The following SPTBN2 variants were observed in gnomAD, a reference collection of about 807,000 sequenced individuals.
The protein encoded by SPTBN2 is spectrin beta chain, non-erythrocytic 2.
SPTBN2 carries 107 observed loss-of-function variants against 284.2 expected under a neutral mutation model. The observed-to-expected ratio is 0.38, with a 90% CI of 0.32 to 0.44. The LOEUF (loss-of-function observed/expected upper bound fraction) is 0.44, where lower values mean the gene tolerates loss of function less well. Ranked by LOEUF, SPTBN2 falls within the 20% of genes least tolerant of loss-of-function variation. The pLI is 1.00. For missense variants in SPTBN2, 2,569 were observed against 3,287.1 expected, an observed-to-expected ratio of 0.78 and a Z score of 5.34; for synonymous variants, 1,289 against 1,354.8, an observed-to-expected ratio of 0.95 and a Z score of 1.07.
At chr11:66,723,325 C>T (rs1041866205) in intron 1 of SPTBN2, among the ~76,000 whole-genome samples, 1 of 152,072 alleles carries the variant, frequency 6.6e-6, no homozygotes, top group Admixed American at 6.6e-5. Flanking sequence ...TGCATTTCTC[C>T]TAGCCCTACT....
chr11:66,738,954 G>A (rs1942876125), intron 1 of SPTBN2, among the ~76,000 whole-genome samples: 1 of 152,062 alleles, frequency 6.6e-6, no homozygotes, highest in Admixed American at 6.6e-5. Flanking sequence ...TGGGACTATA[G>A]GTGCTCACCA....
rs1478820018 is a variant in SPTBN2, at chr11:66,698,630, A to T, written c.4014+9T>A. 1 of 1,614,088 alleles carries T rather than the reference A, an allele frequency of 6.2e-7. No homozygotes were observed. The highest frequency in any genetic ancestry group is 8.5e-7 in the Non-Finnish European group (1 of 1,180,010). ...TCTGCCCAGAGGCAGCCCCCACAGC[A>T]CTGCTCACCTTGTCCACCTTGTCCA... On this transcript the variant is annotated intron_variant, in intron 20 of 37. Coordinates refer to ENST00000533211, the MANE Select transcript of SPTBN2 (RefSeq NM_006946.4).
In SPTBN2 at chr11:66,707,868, C is replaced by T. The variant is rs748176091; in HGVS notation, c.1351-50G>A. On this transcript the variant is annotated intron_variant, in intron 12 of 37. Transcript: ENST00000533211. The surrounding 1 kb of genome is among the most constrained non-coding windows in gnomAD (Gnocchi z 4.9). ...GTGTGGGGACCAAGGGACAGTGCCT[C>T]TGCCTGCTCCTCTGTCCTGCAGGGC... The T allele has an allele frequency of 3.1e-6, 5 of 1,593,252 alleles. No homozygotes were observed. The highest frequency in any genetic ancestry group is 4.3e-6 in the Non-Finnish European group (5 of 1,174,560).
rs1941686659 is a variant in SPTBN2 at position 66,708,472 on chromosome 11, C to A, written c.1192-173G>T. ...GGGCAGCGCTGGGAGTCTGTGAAGC[C>A]ATGTAGAAGCTTCTGGAAAAGGACT... On this transcript the variant is annotated intron_variant, in intron 11 of 37. Transcript: ENST00000533211. The surrounding 1 kb of genome is among the most constrained non-coding windows in gnomAD (Gnocchi z 4.4). Among the ~76,000 whole-genome samples, 1 of 152,216 alleles carries A rather than the reference C, an allele frequency of 6.6e-6. No individual in the cohort carries two copies. The highest frequency in any genetic ancestry group is 1.5e-5 in the Non-Finnish European group (1 of 68,042).
At position 66,693,040 on chromosome 11, in the gene SPTBN2, C is replaced by T. The variant is rs138405793; in HGVS notation, c.4915G>A (p.Asp1639Asn). 1.2e-5 allele frequency: 19 copies of T among 1,613,446 alleles called. No homozygotes were observed. The highest frequency in any genetic ancestry group is 4.0e-5 in the African/African-American group (3 of 74,940). The change falls in exon 25 of 38, where the codon GAC (aspartate) becomes AAC (asparagine). Residue 1639 changes from aspartate (D) to asparagine (N), a missense_variant. Physicochemically the swap from Asp to Asn is conservative, Grantham distance 23. Coordinates refer to ENST00000533211, the MANE Select transcript of SPTBN2 (RefSeq NM_006946.4). This position sits in a 1 kb window ranked among gnomAD's most constrained non-coding sequence, Gnocchi z 5.7. ...KHQVLEQALA[D>N]YAQTIHQLAA... ...AGCTGGTGGATGGTCTGCGCGTAGTCGGCCAGGGCTTGCTCCAGCACCTGG... is the reference window on the plus strand; with the variant it reads ...AGCTGGTGGATGGTCTGCGCGTAGTTGGCCAGGGCTTGCTCCAGCACCTGG...
chr11:66,691,592 T>C lies in SPTBN2; in HGVS notation c.5257A>G (p.Ser1753Gly). Residue 1753 changes from serine (S) to glycine (G), a missense_variant, in exon 27 of 38, where the codon AGC becomes GGC. This residue lies in a region of SPTBN2 where 1,130 missense variants were observed against 1,317.3 expected (regional missense o/e 0.86). Coordinates refer to ENST00000533211, the MANE Select transcript of SPTBN2 (RefSeq NM_006946.4). The surrounding 1 kb of genome is among the most constrained non-coding windows in gnomAD (Gnocchi z 8.0). ...AGCCCATTGGCCAGCGCATTGGCGC[T>C]ATCTACGCGCTCCTGACCGATGGTG... The part of the protein sequence containing the change: ...TSTIGQERVD[S>G]ANALANGLIA... The C allele has an allele frequency of 1.2e-6, 2 of 1,613,830 alleles. No individual in the cohort carries two copies. The highest frequency in any genetic ancestry group is 1.3e-5 in the African/African-American group (1 of 75,066).
intron 18 of SPTBN2, 71 bp downstream of exon 18, chr11:66,699,335 T>C: frequency 3.2e-6 from 5 of 1,580,422 alleles, no homozygotes; most frequent in Non-Finnish European, 4.3e-6. Flanking sequence ...GTGCCACGTT[T>C]ATCTTTGAGG....
intron 3 of SPTBN2, among the ~76,000 whole-genome samples, chr11:66,716,408 A>AGG (rs1184430705): frequency 6.6e-6 from 1 of 151,442 alleles, no homozygotes; most frequent in African/African-American, 2.4e-5. Context: ...TGAACCTGGG[A>AGG]GGGGGAGCTT....
Position 66,701,150 on chromosome 11 carries a change from G to A in SPTBN2, c.2949C>T (p.Ser983=), listed in dbSNP as rs754956566. 2 of 1,613,028 alleles carry A rather than the reference G, an allele frequency of 1.2e-6. No individual in the cohort carries two copies. Among genetic ancestry groups the A allele is most frequent in the East Asian group, 4.5e-5 (2 of 44,898 alleles). The change falls in exon 17 of 38, where the codon TCC becomes TCT. Residue 983 remains serine (S), a synonymous_variant. Coordinates refer to ENST00000533211, the MANE Select transcript of SPTBN2 (RefSeq NM_006946.4). ...WMREKTKVIE[S]TQGLGNDLAG... Reference sequence around the variant, plus strand: ...CCAGATCGTTGCCTAGGCCCTGGGTGGACTCGATGACTTTGGTCTTCTCTC... The same window carrying A: ...CCAGATCGTTGCCTAGGCCCTGGGTAGACTCGATGACTTTGGTCTTCTCTC...
intron 29 of SPTBN2, 175 bp from the exon 30 acceptor site, chr11:66,689,355 A>C: frequency 1.5e-6 from 1 of 650,824 alleles, no homozygotes. Context: ...GCTCACTGCA[A>C]CCTCCACCTC....
rs199848208 is a variant in SPTBN2, at chr11:66,701,018, G to A, written c.3081C>T (p.Ala1027=). 1.2e-5 allele frequency: 19 copies of A among 1,608,184 alleles called. No homozygotes were observed. The highest frequency in any genetic ancestry group is 1.7e-4 in the Middle Eastern group (1 of 6,054). ...ELTREANALA[A]GHPAQAVAIN... ...TGGCCACTGCCTGAGCGGGATGGCC[G>A]GCAGCCAGGGCATTTGCCTCTCGAG... The change falls in exon 17 of 38, where the codon GCC becomes GCT. Residue 1027 remains alanine (A), a synonymous_variant. Coordinates refer to ENST00000533211, the MANE Select transcript of SPTBN2 (RefSeq NM_006946.4).
In SPTBN2 at chr11:66,710,810, G is replaced by A; in HGVS notation, c.886-41C>T. On this transcript the variant is annotated intron_variant, in intron 9 of 37. Transcript: ENST00000533211. This position sits in a 1 kb window ranked among gnomAD's most constrained non-coding sequence, Gnocchi z 4.9. ...CAGGGACGTGACAGTCCCAGCCACA[G>A]GGTCCCTGGCCCAGTCCTGCAGCTC... The A allele has an allele frequency of 6.2e-7, 1 of 1,612,786 alleles. No homozygotes were observed. The highest frequency in any genetic ancestry group is 8.5e-7 in the Non-Finnish European group (1 of 1,179,678).
At position 66,715,645 on chromosome 11, in the gene SPTBN2, T is replaced by A. The variant is rs936715006; in HGVS notation, c.309+185A>T. Among the ~76,000 whole-genome samples the A allele has an allele frequency of 1.3e-5, 2 of 152,216 alleles. No homozygotes were observed. Among genetic ancestry groups the A allele is most frequent in the African/African-American group, 4.8e-5 (2 of 41,452 alleles). Reference sequence around the variant, plus strand: ...TTTCAATGGGGCCACTGTTCCTGTCTCCATGAAGCAATGCTCCTATGTAAT... The same window carrying A: ...TTTCAATGGGGCCACTGTTCCTGTCACCATGAAGCAATGCTCCTATGTAAT... On this transcript the variant is annotated intron_variant, in intron 4 of 37. Coordinates refer to ENST00000533211, the MANE Select transcript of SPTBN2 (RefSeq NM_006946.4). This position sits in a 1 kb window ranked among gnomAD's most constrained non-coding sequence, Gnocchi z 5.3.
At chr11:66,706,632 C>CCTTT (rs1289451004) in intron 13 of SPTBN2, among the ~76,000 whole-genome samples, 1 of 133,410 alleles carries the variant, frequency 7.5e-6, no homozygotes, top group African/African-American at 2.8e-5. Context: ...TGCCTAGCTG[C>CCTTT]TTTTTTTTTT....
At chr11:66,722,346 G>A (rs1003717020) in intron 1 of SPTBN2, among the ~76,000 whole-genome samples, 10 of 151,942 alleles carry the variant, frequency 6.6e-5, no homozygotes, top group Admixed American at 1.3e-4. Flanking sequence ...AGGCCAAGGC[G>A]GGCGGATCAC....
intron 1 of SPTBN2, among the ~76,000 whole-genome samples, chr11:66,741,528 A>G (rs566561730): frequency 6.6e-6 from 1 of 152,326 alleles, no homozygotes; most frequent in African/African-American, 2.4e-5. Context: ...GGGTGCAGAA[A>G]TGGAAGCAGA....
chr11:66,705,884 G>C (rs780074813), intron 13 of SPTBN2, 47 bp from the exon 14 acceptor site: 3 of 1,593,810 alleles, frequency 1.9e-6, no homozygotes, highest in Non-Finnish European at 1.7e-6. Flanking sequence ...GCACAGACGC[G>C]CTAACCTGGC....
rs1390415876 is a variant in SPTBN2 at position 66,708,097 on chromosome 11, C to T, written c.1350+44G>A. 1 of 1,612,238 alleles carries T rather than the reference C, an allele frequency of 6.2e-7. No homozygotes were observed. The highest frequency in any genetic ancestry group is 8.5e-7 in the Non-Finnish European group (1 of 1,179,288). ...GCTTCTTATCCACCCTGTCTCTCTCCCAGTTCTGACCAGCCTAAGCATCCT... is the reference window on the plus strand; with the variant it reads ...GCTTCTTATCCACCCTGTCTCTCTCTCAGTTCTGACCAGCCTAAGCATCCT... On this transcript the variant is annotated intron_variant, in intron 12 of 37. Coordinates refer to ENST00000533211, the MANE Select transcript of SPTBN2 (RefSeq NM_006946.4). The surrounding 1 kb of genome is among the most constrained non-coding windows in gnomAD (Gnocchi z 4.4).
chr11:66,699,665 G>A (rs1941133226), intron 17 of SPTBN2, 57 bp from the exon 18 acceptor site: 1 of 1,589,170 alleles, frequency 6.3e-7, no homozygotes, highest in African/African-American at 1.3e-5. Context: ...ACCCCCCTAG[G>A]AGGGACCCAC....
Sources: allele counts gnomAD v4.1 joint callset (sites outside exome capture counted in the v4.1 genomes callset), GRCh38; gene constraint gnomAD v4.1.1; regional missense constraint gnomAD v4.1.1; non-coding constraint Gnocchi (gnomAD v3.1); transcripts MANE v1.5; gene names NCBI Gene and HGNC (gene_info 2026-07-23, HGNC 2026-07-21).